The following RPS6KC1 variants were observed in gnomAD, a reference collection of about 807,000 sequenced individuals.
The protein encoded by RPS6KC1 is inactive ribosomal protein S6 kinase delta-1.
RPS6KC1 carries 54 observed loss-of-function variants against 103.8 expected under a neutral mutation model. The observed-to-expected ratio is 0.52, with a 90% CI of 0.42 to 0.65. The LOEUF is 0.65. RPS6KC1 is among the 30% of genes least tolerant of loss of function. RPS6KC1 has a pLI of 0.00. For missense variants in RPS6KC1, 1,151 were observed against 1,253.8 expected (o/e 0.92, Z 1.24); for synonymous variants, 439 against 438.7 (o/e 1.00, Z -0.01).
the RPS6KC1 span, among the ~76,000 whole-genome samples, chr1:213,468,019 C>G: frequency 6.6e-6 from 1 of 152,170 alleles, no homozygotes; most frequent in Non-Finnish European, 1.5e-5. Flanking sequence ...CCTTTAAGAT[C>G]TAAAACTAGA....
intron 10 of RPS6KC1, 134 bp downstream of exon 10, chr1:213,232,389 A>T: frequency 9.2e-7 from 1 of 1,090,384 alleles, no homozygotes; most frequent in Admixed American, 1.9e-5. Flanking sequence ...CCTCTGCTCT[A>T]CCTCCCTACT....
chr1:213,545,433 A>AAG, the RPS6KC1 span, among the ~76,000 whole-genome samples: 222 of 52,978 alleles, frequency 4.2e-3, 1 homozygote, highest in Middle Eastern at 0.035. Flanking sequence ...AATAAAATAA[A>AAG]AGAGAGAGAG....
At chr1:213,836,517 C>G in the RPS6KC1 span, among the ~76,000 whole-genome samples, 1 of 152,038 alleles carries the variant, frequency 6.6e-6, no homozygotes, top group Admixed American at 6.5e-5. Flanking sequence ...CAGTCTCACT[C>G]TAGCCCCCCT....
At chr1:213,725,682 A>G in the RPS6KC1 span, among the ~76,000 whole-genome samples, 1 of 152,360 alleles carries the variant, frequency 6.6e-6, no homozygotes, top group East Asian at 1.9e-4. Flanking sequence ...ACACTGGTGG[A>G]TAACCCTGCT....
the RPS6KC1 span, among the ~76,000 whole-genome samples, chr1:213,414,183 C>T: frequency 5.3e-5 from 8 of 152,166 alleles, no homozygotes; most frequent in Non-Finnish European, 8.8e-5. Context: ...GCCTTTCACT[C>T]CCAAGAAACT....
the RPS6KC1 span, among the ~76,000 whole-genome samples, chr1:213,604,701 G>C: frequency 7.2e-5 from 11 of 152,290 alleles, no homozygotes; most frequent in African/African-American, 2.2e-4. Context: ...CTGCTACCCT[G>C]CAGCCCTGGG....
the RPS6KC1 span, among the ~76,000 whole-genome samples, chr1:213,286,981 G>A: frequency 1.3e-5 from 2 of 152,180 alleles, no homozygotes; most frequent in African/African-American, 4.8e-5. Context: ...TCTTTAACAG[G>A]TAATTTGTAA....
chr1:213,771,868 C>T, the RPS6KC1 span, among the ~76,000 whole-genome samples: 3 of 152,010 alleles, frequency 2.0e-5, no homozygotes, highest in African/African-American at 4.8e-5. Flanking sequence ...TAAGAAGAAG[C>T]GAAGGTATTG....
chr1:213,051,241 G>T lies in RPS6KC1; in HGVS notation c.-164G>T. On this transcript the variant is annotated 5_prime_UTR_variant, in exon 1 of 15. Coordinates refer to ENST00000366960, the MANE Select transcript of RPS6KC1 (RefSeq NM_012424.6). ...AGCCTGGCCCGGAAGCTTCTCTGCT[G>T]ACCCGGAAGCAGAGCTGTGCAGCTG... 1.7e-6 allele frequency: 1 copy of T among 600,284 alleles called. No individual in the cohort carries two copies. The highest frequency in any genetic ancestry group is 2.0e-5 in the South Asian group (1 of 50,318). The allele number at this position is 600,284 out of a possible 1,614,324, so 37.2% of individuals were successfully genotyped here.
At chr1:213,444,744 CAAAAAAAAA>C in the RPS6KC1 span, among the ~76,000 whole-genome samples, 3 of 87,520 alleles carry the variant, frequency 3.4e-5, no homozygotes, top group Admixed American at 1.4e-4. Flanking sequence ...AACTCCAACT[CAAAAAAAAA>C]AAAAAAAAAG....
At chr1:213,445,206 G>A in the RPS6KC1 span, among the ~76,000 whole-genome samples, 1 of 152,092 alleles carries the variant, frequency 6.6e-6, no homozygotes, top group East Asian at 1.9e-4. Context: ...GCTGAATAAC[G>A]TTATATTCTA....
chr1:213,758,509 C>T, the RPS6KC1 span, among the ~76,000 whole-genome samples: 8 of 150,400 alleles, frequency 5.3e-5, no homozygotes, highest in African/African-American at 9.8e-5. Flanking sequence ...ACCCGGGAGG[C>T]GGAAGTTGCA....
chr1:213,603,130 A>T, the RPS6KC1 span, among the ~76,000 whole-genome samples: 2 of 152,194 alleles, frequency 1.3e-5, no homozygotes, highest in Non-Finnish European at 2.9e-5. Context: ...AGATATTATT[A>T]TTTTTTCCTA....
the RPS6KC1 span, among the ~76,000 whole-genome samples, chr1:213,660,056 G>A: frequency 6.6e-6 from 1 of 152,228 alleles, no homozygotes; most frequent in South Asian, 2.1e-4. Flanking sequence ...TGTCTCAGGT[G>A]TGGTGGCCCC....
chr1:213,325,904 C>T, the RPS6KC1 span, among the ~76,000 whole-genome samples: 1 of 152,194 alleles, frequency 6.6e-6, no homozygotes, highest in African/African-American at 2.4e-5. Context: ...CCCATGTTCC[C>T]CTGGAAAGCC....
At chr1:213,394,183 A>T in the RPS6KC1 span, among the ~76,000 whole-genome samples, 1 of 152,096 alleles carries the variant, frequency 6.6e-6, no homozygotes, top group Non-Finnish European at 1.5e-5. Context: ...GCTGTTTACC[A>T]TGTGGATTCC....
At chr1:213,355,904 T>C in the RPS6KC1 span, among the ~76,000 whole-genome samples, 3 of 152,238 alleles carry the variant, frequency 2.0e-5, no homozygotes, top group Non-Finnish European at 4.4e-5. Context: ...TCTTGGACAG[T>C]TATTTAACCA....
Position 213,262,763 on chromosome 1 carries a change from A to C in RPS6KC1, c.3037A>C (p.Thr1013Pro), listed in dbSNP as rs750692103. Residue 1013 changes from threonine (T) to proline (P), a missense_variant, in exon 14 of 15, where the codon ACT (threonine) becomes CCT (proline). By Grantham distance (38) the Thr-to-Pro change is conservative. Around this residue, in one of 3 missense-constraint regions of RPS6KC1, gnomAD observed 189 missense variants for 228.8 expected, o/e 0.83. Coordinates refer to ENST00000366960, the MANE Select transcript of RPS6KC1 (RefSeq NM_012424.6). The stretch of plus-strand genomic sequence containing the variant: ...TCCAGCAGGAATAAATACTCACACT[A>C]CTTTGAACATGCCAGAATGTGTCTC... ...CHPAGINTHT[T>P]LNMPECVSEE... The C allele has an allele frequency of 5.6e-6, 9 of 1,613,412 alleles. No homozygotes were observed. The East Asian group carries it at 2.0e-4, about 36-fold the overall frequency.
At chr1:213,490,543 G>A in the RPS6KC1 span, among the ~76,000 whole-genome samples, 5 of 152,148 alleles carry the variant, frequency 3.3e-5, no homozygotes, top group African/African-American at 1.2e-4. Context: ...TCGGACAATG[G>A]TTCGGCTTCC....
Sources: gnomAD v4.1 joint callset for allele counts (sites outside exome capture counted in the v4.1 genomes callset) on GRCh38, gnomAD v4.1.1 for gene constraint, gnomAD v4.1.1 regional missense constraint, MANE v1.5 for transcripts, NCBI Gene and HGNC (gene_info 2026-07-23, HGNC 2026-07-21) for gene names.